The following TBC1D32 variants were observed in gnomAD, a reference collection of about 807,000 sequenced individuals.
TBC1D32 encodes TBC1 domain family member 32, also known as protein broad-minded.
Under a neutral mutation model 170.3 loss-of-function variants are expected in TBC1D32, and 151 were observed. The observed-to-expected ratio is 0.89, with a 90% confidence interval of 0.78 to 1.01. The LOEUF (loss-of-function observed/expected upper bound fraction) is 1.01, where lower values mean the gene tolerates loss of function less well. Among genes scored for constraint, TBC1D32 ranks in the 50% least tolerant of loss-of-function variants. TBC1D32 has a pLI of 0.00. For missense variants in TBC1D32, 1,464 were observed against 1,457.1 expected (o/e 1.00, Z -0.08); for synonymous variants, 498 against 488.0 (o/e 1.02, Z -0.27).
chr6:121,099,608 G>A (rs1285836069), intron 30 of TBC1D32, among the ~76,000 whole-genome samples: 1 of 151,856 alleles, frequency 6.6e-6, no homozygotes. Context: ...AATAAGGTAT[G>A]AAATTTGTAT....
chr6:121,240,070 A>T (rs887428193), intron 19 of TBC1D32, among the ~76,000 whole-genome samples: 6 of 152,168 alleles, frequency 3.9e-5, no homozygotes, highest in African/African-American at 7.2e-5. Context: ...CAAGGTTGCC[A>T]TGAAGTATCA....
intron 21 of TBC1D32, among the ~76,000 whole-genome samples, chr6:121,216,450 G>T (rs1186288397): frequency 6.6e-6 from 1 of 152,048 alleles, no homozygotes; most frequent in Non-Finnish European, 1.5e-5. Context: ...TACAGATTTT[G>T]GTACCAGGAG....
intron 24 of TBC1D32, among the ~76,000 whole-genome samples, chr6:121,154,039 CAA>C (rs71018115): frequency 1.5e-5 from 2 of 129,712 alleles, no homozygotes; most frequent in Non-Finnish European, 3.2e-5. Flanking sequence ...CACTAGGGTA[CAA>C]AAAAAAAAAA....
At chr6:121,211,994 A>AACACACACACACAC (rs66924686) in intron 21 of TBC1D32, among the ~76,000 whole-genome samples, 6 of 148,530 alleles carry the variant, frequency 4.0e-5, no homozygotes, top group African/African-American at 1.5e-4. Flanking sequence ...GAACAAACAC[A>AACACACACACACAC]ACACACACAC....
At chr6:121,212,025 ACACG>A (rs1408906749) in intron 21 of TBC1D32, among the ~76,000 whole-genome samples, 2 of 137,506 alleles carry the variant, frequency 1.5e-5, no homozygotes, top group South Asian at 2.4e-4. Context: ...ACACACACAC[ACACG>A]ACAAAAGGGA....
chr6:121,303,221 A>G (rs537862937), intron 9 of TBC1D32, among the ~76,000 whole-genome samples: 21 of 152,204 alleles, frequency 1.4e-4, no homozygotes, highest in Non-Finnish European at 2.8e-4. Flanking sequence ...TACTTTCAGA[A>G]ATATCTCCTA....
chr6:121,249,360 T>C (rs1355227883), intron 17 of TBC1D32, among the ~76,000 whole-genome samples: 2 of 151,838 alleles, frequency 1.3e-5, no homozygotes, highest in Non-Finnish European at 2.9e-5. Flanking sequence ...GCCAACATCA[T>C]AGAGAATCGG....
chr6:121,242,500 G>A (rs989532162), intron 17 of TBC1D32, among the ~76,000 whole-genome samples, 161 bp from the exon 18 acceptor site: 1 of 152,106 alleles, frequency 6.6e-6, no homozygotes, highest in African/African-American at 2.4e-5. Flanking sequence ...TAAAAACATG[G>A]TTTCTTTGGT....
chr6:121,321,936 A>G, intron 1 of TBC1D32, 142 bp from the exon 2 acceptor site: 1 of 840,072 alleles, frequency 1.2e-6, no homozygotes, highest in Non-Finnish European at 1.7e-6. Context: ...TCATCAAGCT[A>G]ATCTACTAAT....
At chr6:121,134,128 T>C (rs1410560700) in intron 24 of TBC1D32, among the ~76,000 whole-genome samples, 1 of 152,072 alleles carries the variant, frequency 6.6e-6, no homozygotes, top group African/African-American at 2.4e-5. Flanking sequence ...ATATCTACAG[T>C]CTAATAAGAA....
At chr6:121,213,502 A>C (rs138061308) in intron 21 of TBC1D32, among the ~76,000 whole-genome samples, 48,282 of 74,658 alleles carry the variant, frequency 0.65, 13,824 homozygotes, top group Non-Finnish European at 0.72. Flanking sequence ...AATAAAATAA[A>C]ATAAAATAAA....
At chr6:121,240,877 C>CAAA (rs35249678) in intron 19 of TBC1D32, among the ~76,000 whole-genome samples, 315 of 80,144 alleles carry the variant, frequency 3.9e-3, no homozygotes, top group Middle Eastern at 8.2e-3. Flanking sequence ...TTCTGTCTCA[C>CAAA]AAAAAAAAAA....
chr6:121,216,637 G>T (rs528613791), intron 21 of TBC1D32, among the ~76,000 whole-genome samples: 1 of 152,260 alleles, frequency 6.6e-6, no homozygotes, highest in Admixed American at 6.5e-5. Flanking sequence ...GAGAGGCAAG[G>T]AATTTAGTGA....
chr6:121,255,960 T>C (rs2128395380), intron 16 of TBC1D32, 124 bp downstream of exon 16: 1 of 801,250 alleles, frequency 1.2e-6, no homozygotes. Flanking sequence ...CCTAGAGTAC[T>C]GTGATGCTAA....
chr6:121,239,638 C>T (rs1583346558), intron 19 of TBC1D32, among the ~76,000 whole-genome samples: 1 of 152,200 alleles, frequency 6.6e-6, no homozygotes, highest in East Asian at 1.9e-4. Flanking sequence ...AGTGTATGCT[C>T]CCTTATTCCA....
chr6:121,114,123 G>A (rs996480854), intron 27 of TBC1D32, among the ~76,000 whole-genome samples: 1 of 152,096 alleles, frequency 6.6e-6, no homozygotes, highest in Admixed American at 6.6e-5. Flanking sequence ...GCAGTGAGCC[G>A]AGATCGTGCC....
intron 27 of TBC1D32, among the ~76,000 whole-genome samples, chr6:121,114,820 G>A (rs1779527724): frequency 6.6e-6 from 1 of 152,006 alleles, no homozygotes; most frequent in South Asian, 2.1e-4. Context: ...TGTCCTTCAG[G>A]TACTTTTGTA....
intron 12 of TBC1D32, among the ~76,000 whole-genome samples, chr6:121,289,776 G>A (rs1408919054): frequency 2.1e-5 from 3 of 141,374 alleles, no homozygotes; most frequent in Non-Finnish European, 3.2e-5. Context: ...AACCAAAACA[G>A]CATGGTACTG....
chr6:121,129,091 C>A (rs1444869453), intron 25 of TBC1D32, among the ~76,000 whole-genome samples: 1 of 152,094 alleles, frequency 6.6e-6, no homozygotes, highest in Non-Finnish European at 1.5e-5. Flanking sequence ...TTCCCTGCCT[C>A]CAGAACTGTA....
Sources: allele counts gnomAD v4.1 joint callset (sites outside exome capture counted in the v4.1 genomes callset), GRCh38; gene constraint gnomAD v4.1.1; transcripts MANE v1.5; gene names NCBI Gene and HGNC (gene_info 2026-07-23, HGNC 2026-07-21).